Variants in AKT3 observed in about 807,000 individuals in gnomAD.
AKT3 encodes the protein RAC-gamma serine/threonine-protein kinase.
A neutral mutation model predicts 65.3 loss-of-function variants in AKT3; 15 were observed. That is an observed-to-expected ratio of 0.23 (90% CI 0.15 to 0.35). The LOEUF is 0.35. Among genes scored for constraint, AKT3 ranks in the 10% least tolerant of loss-of-function variants. The probability of loss-of-function intolerance (pLI) is 1.00; values close to 1 mark genes in which losing one functional copy is unlikely to be tolerated. For synonymous variants in AKT3, 206 were observed against 183.8 expected, an observed-to-expected ratio of 1.12 and a Z score of -0.98; for missense variants, 243 against 576.5, an observed-to-expected ratio of 0.42 and a Z score of 5.92.
At chr1:243,695,153 A>C (rs1684980609) in intron 3 of AKT3, among the ~76,000 whole-genome samples, 1 of 151,956 alleles carries the variant, frequency 6.6e-6, no homozygotes, top group Non-Finnish European at 1.5e-5. Context: ...TACGAACATA[A>C]AATCTCCCCA....
At chr1:243,523,787 G>A (rs1490122299) in intron 12 of AKT3, among the ~76,000 whole-genome samples, 2 of 152,128 alleles carry the variant, frequency 1.3e-5, no homozygotes, top group East Asian at 1.9e-4. Context: ...AATGTAAATC[G>A]CCTGCTTATT....
intron 2 of AKT3, among the ~76,000 whole-genome samples, chr1:243,748,941 G>A (rs1335670582): frequency 3.3e-5 from 5 of 152,046 alleles, no homozygotes; most frequent in Non-Finnish European, 5.9e-5. Flanking sequence ...AAATACAAAT[G>A]AACAGTACCT....
At chr1:243,659,265 G>C (rs1682079515) in intron 4 of AKT3, among the ~76,000 whole-genome samples, 2 of 152,146 alleles carry the variant, frequency 1.3e-5, no homozygotes, top group Non-Finnish European at 2.9e-5. Context: ...GGGGCTGGGG[G>C]TATGGGAATG....
chr1:243,710,993 T>C lies in AKT3; in HGVS notation c.47-15277A>G, dbSNP rs966129000. On this transcript the variant is annotated intron_variant, in intron 2 of 13. Transcript: ENST00000673466. ...CTCCAAAATAAACTGAGGTTACTTT[T>C]TTAAGTATGAAAAATAATTTTGTAG... Among the ~76,000 whole-genome samples the C allele has an allele frequency of 7.2e-5, 11 of 152,314 alleles. No individual in the cohort carries two copies. In the South Asian group the frequency reaches 1.9e-3, roughly 26 times the overall value.
intron 6 of AKT3, among the ~76,000 whole-genome samples, chr1:243,628,450 C>A (rs1296720103): frequency 6.6e-6 from 1 of 152,070 alleles, no homozygotes; most frequent in Non-Finnish European, 1.5e-5. Context: ...CAGAGGCATG[C>A]CACCACACCT....
chr1:243,654,320 CATAA>C (rs1391344030), intron 4 of AKT3, among the ~76,000 whole-genome samples: 1 of 152,134 alleles, frequency 6.6e-6, no homozygotes, highest in African/African-American at 2.4e-5. Context: ...TAAAACACAA[CATAA>C]ATTATTTAAA....
chr1:243,509,657 C>T (rs1292541173), intron 13 of AKT3, among the ~76,000 whole-genome samples: 4 of 152,132 alleles, frequency 2.6e-5, no homozygotes, highest in African/African-American at 4.8e-5. Flanking sequence ...GTGCTTGCTG[C>T]GTTGGGCCTA....
Position 243,563,723 on chromosome 1 carries a change from TG to T in AKT3, c.944del (p.Pro315GlnfsTer4). ...TATTAATGGAACCGAAGCCTACCTCTGGTGCCAGATATTCTGGAGTGCCACA... is the reference window on the plus strand; with the variant it reads ...TATTAATGGAACCGAAGCCTACCTCTGTGCCAGATATTCTGGAGTGCCACA... ...TFCGTPEYLAPEVLEDNDYGR... is the reference protein window; with the variant it reads ...TFCGTPEYLAXEVLEDNDYGR... On this transcript the variant is annotated frameshift_variant, in exon 10 of 14. Coordinates refer to ENST00000673466, the MANE Select transcript of AKT3 (RefSeq NM_005465.7). LOFTEE classifies it high-confidence loss of function. The T allele has an allele frequency of 6.2e-7, 1 of 1,600,780 alleles. No homozygotes were observed. The highest frequency in any genetic ancestry group is 8.5e-7 in the Non-Finnish European group (1 of 1,175,932).
At chr1:243,697,077 C>T (rs1178340384) in intron 2 of AKT3, among the ~76,000 whole-genome samples, 1 of 151,920 alleles carries the variant, frequency 6.6e-6, no homozygotes, top group African/African-American at 2.4e-5. Flanking sequence ...TTACTTAGAG[C>T]ACCAACAAAT....
In AKT3 at chr1:243,644,519, T is replaced by C. The variant is rs189192292; in HGVS notation, c.429+1374A>G. Reference sequence around the variant, plus strand: ...AATAATAATGGTACTTAACTTATAGTTGAAGTTCAAAATGAAAAAAAAAAT... The same window carrying C: ...AATAATAATGGTACTTAACTTATAGCTGAAGTTCAAAATGAAAAAAAAAAT... On this transcript the variant is annotated intron_variant, in intron 5 of 13. Coordinates refer to ENST00000673466, the MANE Select transcript of AKT3 (RefSeq NM_005465.7). Among the ~76,000 whole-genome samples, 725 of 152,228 alleles carry C rather than the reference T, an allele frequency of 4.8e-3. 6 individuals carry two copies. Among genetic ancestry groups the C allele is most frequent in the African/African-American group, 0.017 (697 of 41,544 alleles).
intron 2 of AKT3, among the ~76,000 whole-genome samples, chr1:243,803,646 AC>A (rs1692521032): frequency 0.031 from 23 of 744 alleles, no homozygotes; most frequent in African/African-American, 0.051. Context: ...ACGTACATGT[AC>A]ACACACACAC....
chr1:243,575,289 GAACC>G (rs978849055), intron 8 of AKT3, among the ~76,000 whole-genome samples: 6 of 152,060 alleles, frequency 3.9e-5, no homozygotes, highest in Non-Finnish European at 8.8e-5. Context: ...CTTTGGCTCT[GAACC>G]AACTTTTCAA....
chr1:243,585,107 C>A (rs951692227), intron 8 of AKT3, among the ~76,000 whole-genome samples: 2 of 151,954 alleles, frequency 1.3e-5, no homozygotes, highest in African/African-American at 4.8e-5. Context: ...ATACTGATAA[C>A]ATCCAAGCTG....
intron 2 of AKT3, among the ~76,000 whole-genome samples, chr1:243,756,076 C>T (rs1033001542): frequency 6.6e-6 from 1 of 152,014 alleles, no homozygotes; most frequent in Admixed American, 6.6e-5. Flanking sequence ...CTGGAAGTTA[C>T]AAATATAAAA....
At chr1:243,773,565 GACC>G (rs1690338043) in intron 2 of AKT3, among the ~76,000 whole-genome samples, 1 of 152,116 alleles carries the variant, frequency 6.6e-6, no homozygotes, top group Non-Finnish European at 1.5e-5. Flanking sequence ...AGTGAGCCAT[GACC>G]ACACCTGTGA....
chr1:243,519,279 C>T (rs1402488270), intron 12 of AKT3, among the ~76,000 whole-genome samples: 1 of 152,110 alleles, frequency 6.6e-6, no homozygotes, highest in Admixed American at 6.6e-5. Flanking sequence ...TTGATGGGTG[C>T]CAAAACCATT....
chr1:243,543,493 G>A (rs779959268), intron 12 of AKT3, among the ~76,000 whole-genome samples: 4 of 151,996 alleles, frequency 2.6e-5, no homozygotes, highest in Non-Finnish European at 5.9e-5. Context: ...AGAAGAGGGT[G>A]TCTAGAAAGG....
intron 8 of AKT3, among the ~76,000 whole-genome samples, chr1:243,610,254 C>A (rs1420667207): frequency 6.6e-6 from 1 of 152,190 alleles, no homozygotes; most frequent in Non-Finnish European, 1.5e-5. Context: ...CTTCTCTTAT[C>A]CCTAATCCCT....
chr1:243,729,919 C>T (rs1420528104), intron 2 of AKT3, among the ~76,000 whole-genome samples: 1 of 152,172 alleles, frequency 6.6e-6, no homozygotes, highest in African/African-American at 2.4e-5. Flanking sequence ...TCTACTGACA[C>T]CTTCCTAACA....
Sources: gnomAD v4.1 joint callset for allele counts (sites outside exome capture counted in the v4.1 genomes callset) on GRCh38, gnomAD v4.1.1 for gene constraint, MANE v1.5 for transcripts, NCBI Gene and HGNC (gene_info 2026-07-23, HGNC 2026-07-21) for gene names.